PARD3: variants seen among roughly 807,000 people sequenced by gnomAD.
The protein encoded by PARD3 is partitioning defective 3 homolog.
A neutral mutation model predicts 155.4 loss-of-function variants in PARD3; 75 were observed. That is an observed-to-expected ratio of 0.48 (90% confidence interval 0.40 to 0.58). The LOEUF (loss-of-function observed/expected upper bound fraction) is 0.58. Ranked by LOEUF, PARD3 falls within the 20% of genes least tolerant of loss-of-function variation. The probability of loss-of-function intolerance (pLI) is 0.00; values close to 1 mark genes in which losing one functional copy is unlikely to be tolerated. For synonymous variants in PARD3, 576 were observed against 610.5 expected, an observed-to-expected ratio of 0.94 and a Z score of 0.83; for missense variants, 1,642 against 1,721.7, an observed-to-expected ratio of 0.95 and a Z score of 0.82.
intron 1 of PARD3, among the ~76,000 whole-genome samples, chr10:34,753,187 A>T (rs1836283662): frequency 6.6e-6 from 1 of 152,190 alleles, no homozygotes; most frequent in Non-Finnish European, 1.5e-5. Flanking sequence ...TCTCTTCTTC[A>T]TACATGCCCA....
intron 2 of PARD3, among the ~76,000 whole-genome samples, chr10:34,621,445 C>G (rs1302174242): frequency 6.6e-6 from 1 of 152,038 alleles, no homozygotes; most frequent in African/African-American, 2.4e-5. Flanking sequence ...GATCCACCCA[C>G]GCTCGGCCTC....
At chr10:34,432,041 C>CAAAA (rs142848273) in intron 5 of PARD3, among the ~76,000 whole-genome samples, 931 of 21,594 alleles carry the variant, frequency 0.043, 297 homozygotes, top group Non-Finnish European at 0.065. Flanking sequence ...GACTCTGTCT[C>CAAAA]AAAAAAAAAA....
chr10:34,146,691 G>A (rs1204255537), intron 22 of PARD3, among the ~76,000 whole-genome samples: 3 of 152,100 alleles, frequency 2.0e-5, no homozygotes, highest in Non-Finnish European at 4.4e-5. Flanking sequence ...AATCTTTGCT[G>A]GTCTTCACTC....
chr10:34,428,364 T>C (rs1483511885), intron 5 of PARD3, among the ~76,000 whole-genome samples: 1 of 152,100 alleles, frequency 6.6e-6, no homozygotes, highest in Non-Finnish European at 1.5e-5. Flanking sequence ...GCTAAAAATG[T>C]CTTAAGCCAG....
At chr10:34,767,685 G>A (rs1438244361) in intron 1 of PARD3, among the ~76,000 whole-genome samples, 4 of 151,854 alleles carry the variant, frequency 2.6e-5, no homozygotes, top group Non-Finnish European at 4.4e-5. Flanking sequence ...TGCAGCCTCC[G>A]CCTCCTGGGT....
intron 1 of PARD3, among the ~76,000 whole-genome samples, chr10:34,729,434 G>A (rs1411858965): frequency 6.6e-6 from 1 of 151,678 alleles, no homozygotes; most frequent in African/African-American, 2.4e-5. Flanking sequence ...GGGAGGCTAA[G>A]GCAAGAGAAC....
intron 1 of PARD3, among the ~76,000 whole-genome samples, chr10:34,766,686 G>GA (rs1838146158): frequency 7.0e-6 from 1 of 142,842 alleles, no homozygotes; most frequent in Non-Finnish European, 1.5e-5. Flanking sequence ...TTCAGAGGAG[G>GA]AAAAAAAGCA....
chr10:34,464,845 T>A (rs2077902649), intron 4 of PARD3, among the ~76,000 whole-genome samples: 1 of 152,294 alleles, frequency 6.6e-6, no homozygotes, highest in Non-Finnish European at 1.5e-5. Flanking sequence ...TCCACAGAAG[T>A]CCTGAAGTTA....
At chr10:34,513,159 GATC>G (rs911167985) in intron 3 of PARD3, among the ~76,000 whole-genome samples, 4 of 152,106 alleles carry the variant, frequency 2.6e-5, no homozygotes, top group Non-Finnish European at 5.9e-5. Context: ...ATTAAAAATT[GATC>G]ATTTTATAAT....
intron 2 of PARD3, among the ~76,000 whole-genome samples, chr10:34,577,199 CATATACCTGAA>C (rs2086960855): frequency 6.6e-6 from 1 of 152,196 alleles, no homozygotes; most frequent in Non-Finnish European, 1.5e-5. Context: ...GCCTGCATTT[CATATACCTGAA>C]CTCAAGCCTA....
At chr10:34,307,501 A>T (rs1957472582) in intron 20 of PARD3, among the ~76,000 whole-genome samples, 1 of 152,198 alleles carries the variant, frequency 6.6e-6, no homozygotes, top group Non-Finnish European at 1.5e-5. Context: ...AGATGTGGGC[A>T]GGGCCTGGGA....
intron 15 of PARD3, chr10:34,344,624 AT>A (rs1225984045): frequency 1.0e-6 from 1 of 985,262 alleles, no homozygotes; most frequent in Non-Finnish European, 1.2e-6. Flanking sequence ...GAGACCAACC[AT>A]TAGAAAAATG....
Position 34,466,467 on chromosome 10 carries a change from G to T in PARD3, c.582+3618C>A, listed in dbSNP as rs896694068. Among the ~76,000 whole-genome samples the T allele has an allele frequency of 4.6e-4, 70 of 151,974 alleles. 1 individual carries two copies. The highest frequency in any genetic ancestry group is 1.6e-3 in the African/African-American group (66 of 41,338). On this transcript the variant is annotated intron_variant, in intron 4 of 24. Transcript: ENST00000374788. ...CTTAGAAACAAGATTTTAATTGATTGGTAACATTATTCTAAAATAATTTAC... is the reference window on the plus strand; with the variant it reads ...CTTAGAAACAAGATTTTAATTGATTTGTAACATTATTCTAAAATAATTTAC...
At chr10:34,650,887 T>C (rs1198181732) in intron 2 of PARD3, among the ~76,000 whole-genome samples, 1 of 151,832 alleles carries the variant, frequency 6.6e-6, no homozygotes, top group Non-Finnish European at 1.5e-5. Context: ...GGCATATGCC[T>C]GTAATCCCAG....
chr10:34,526,366 T>G (rs2082483752), intron 2 of PARD3, among the ~76,000 whole-genome samples: 1 of 152,122 alleles, frequency 6.6e-6, no homozygotes, highest in African/African-American at 2.4e-5. Flanking sequence ...TCTCCCCCAG[T>G]CCCTACGCTG....
At chr10:34,772,288 C>T (rs1213193876) in intron 1 of PARD3, among the ~76,000 whole-genome samples, 1 of 151,236 alleles carries the variant, frequency 6.6e-6, no homozygotes, top group Admixed American at 6.6e-5. Context: ...GCAAGGCCCC[C>T]TGTAATCCCA....
At chr10:34,522,108 C>A (rs962428511) in intron 2 of PARD3, among the ~76,000 whole-genome samples, 1 of 152,102 alleles carries the variant, frequency 6.6e-6, no homozygotes, top group Non-Finnish European at 1.5e-5. Context: ...AGGTTAAGAA[C>A]CTTAAAATGG....
At chr10:34,293,189 C>A (rs1046734829) in intron 20 of PARD3, among the ~76,000 whole-genome samples, 1 of 152,092 alleles carries the variant, frequency 6.6e-6, no homozygotes, top group Non-Finnish European at 1.5e-5. Flanking sequence ...ATACTTACAG[C>A]CATTCTAGTA....
At chr10:34,696,537 T>C in intron 1 of PARD3, 118 bp from the exon 2 acceptor site, 1 of 680,850 alleles carries the variant, frequency 1.5e-6, no homozygotes, top group South Asian at 1.8e-5. Context: ...ATATCAACAA[T>C]ACTGCAACTG....
Sources: allele counts gnomAD v4.1 joint callset (sites outside exome capture counted in the v4.1 genomes callset), GRCh38; gene constraint gnomAD v4.1.1; transcripts MANE v1.5; gene names NCBI Gene and HGNC (gene_info 2026-07-23, HGNC 2026-07-21).